The following EP300 variants were observed in gnomAD, a reference collection of about 807,000 sequenced individuals.
The protein encoded by EP300 is histone acetyltransferase p300.
In EP300, 31 loss-of-function variants were observed where a neutral mutation model predicts 264.0. The observed-to-expected ratio is 0.12, with a 90% confidence interval of 0.09 to 0.16. The LOEUF (loss-of-function observed/expected upper bound fraction) is 0.16, where lower values mean the gene tolerates loss of function less well. Ranked by LOEUF, EP300 falls within the 10% of genes least tolerant of loss-of-function variation. The pLI, the probability that EP300 is intolerant of heterozygous loss-of-function variation, is 1.00. For synonymous variants in EP300, 1,340 were observed against 1,045.4 expected, an observed-to-expected ratio of 1.28 and a Z score of -5.44; for missense variants, 2,766 against 3,052.9, an observed-to-expected ratio of 0.91 and a Z score of 2.21.
intron 22 of EP300, 83 bp from the exon 23 acceptor site, chr22:41,166,516 T>A: frequency 1.8e-6 from 2 of 1,089,730 alleles, no homozygotes; most frequent in Non-Finnish European, 2.8e-6. Context: ...TCTGCTAGAT[T>A]GTCTTTTGAA....
At position 41,151,113 on chromosome 22, in the gene EP300, A is replaced by G. The variant is rs571098179; in HGVS notation, c.2818-720A>G. On this transcript the variant is annotated intron_variant, in intron 14 of 30. Transcript: ENST00000263253. The stretch of plus-strand genomic sequence containing the variant: ...TCTACTTTGATACCGATATTAATAT[A>G]TATCGGTATCCAATAGTTCTCAGCC... Among the ~76,000 whole-genome samples, 3 of 152,184 alleles carry G rather than the reference A, an allele frequency of 2.0e-5. No individual in the cohort carries two copies. In the East Asian group the frequency reaches 5.8e-4, roughly 29 times the overall value.
At chr22:41,144,718 C>T (rs575600655) in intron 10 of EP300, among the ~76,000 whole-genome samples, 2 of 152,116 alleles carry the variant, frequency 1.3e-5, no homozygotes, top group South Asian at 2.1e-4. Flanking sequence ...ATCAAGTTTC[C>T]TTAAAATGAC....
At chr22:41,157,681 C>A (rs936665347) in intron 18 of EP300, among the ~76,000 whole-genome samples, 2 of 151,912 alleles carry the variant, frequency 1.3e-5, no homozygotes, top group Non-Finnish European at 2.9e-5. Context: ...CCATGCCTGG[C>A]TGATTTTTTA....
chr22:41,144,923 G>C (rs2059002323), intron 10 of EP300, among the ~76,000 whole-genome samples: 1 of 152,094 alleles, frequency 6.6e-6, no homozygotes, highest in South Asian at 2.1e-4. Context: ...ATGTCTGGCA[G>C]ACTTGACCCC....
intron 14 of EP300, among the ~76,000 whole-genome samples, chr22:41,151,082 G>T (rs1167567117): frequency 6.6e-6 from 1 of 152,026 alleles, no homozygotes; most frequent in African/African-American, 2.4e-5. Context: ...TAAGGGTTTA[G>T]AAGCTTCTAC....
Position 41,179,464 on chromosome 22 carries a change from A to G in EP300, c.*508A>G, listed in dbSNP as rs1277450971. 2 of 162,520 alleles carry G rather than the reference A, an allele frequency of 1.2e-5. No individual in the cohort carries two copies. Among genetic ancestry groups the G allele is most frequent in the Non-Finnish European group, 2.6e-5 (2 of 75,890 alleles). The allele number at this position is 162,520 out of a possible 1,614,324, so 10.1% of individuals were successfully genotyped here. A position where few individuals can be genotyped will look rare whatever the true frequency, so the allele number is the denominator to read the frequency against. On this transcript the variant is annotated 3_prime_UTR_variant, in exon 31 of 31. Transcript: ENST00000263253. ...ACATTCTATATATATATAAATATAT[A>G]TAAATATATATTAAAATACCAGTTT... is the stretch of plus-strand genomic sequence containing the variant.
chr22:41,103,815 C>T (rs907742362), intron 1 of EP300, among the ~76,000 whole-genome samples: 2 of 152,194 alleles, frequency 1.3e-5, no homozygotes, highest in African/African-American at 4.8e-5. Context: ...AAGACTAATT[C>T]TGGTAACACC....
chr22:41,149,705 G>A (rs771977230), intron 13 of EP300, 56 bp from the exon 14 acceptor site: 38 of 1,556,172 alleles, frequency 2.4e-5, no homozygotes, highest in Non-Finnish European at 3.1e-5. Context: ...GCCTATGTAA[G>A]TATTTCCTTA....
Position 41,178,017 on chromosome 22 carries a change from G to A in EP300, c.6306G>A (p.Gly2102=). 6.2e-7 allele frequency: 1 copy of A among 1,614,028 alleles called. No homozygotes were observed. Among genetic ancestry groups the A allele is most frequent in the Non-Finnish European group, 8.5e-7 (1 of 1,179,972 alleles). ...YANSNPQPIP[G]QPGMPQGQPG... ...ACTCTAATCCACAACCCATCCCTGG[G>A]CAGCCTGGCATGCCCCAGGGGCAGC... The change falls in exon 31 of 31, where the codon GGG becomes GGA. Residue 2102 remains glycine (G), a synonymous_variant. Coordinates refer to ENST00000263253, the MANE Select transcript of EP300 (RefSeq NM_001429.4).
At chr22:41,135,203 A>G (rs1465940521) in intron 6 of EP300, among the ~76,000 whole-genome samples, 1 of 152,006 alleles carries the variant, frequency 6.6e-6, no homozygotes, top group South Asian at 2.1e-4. Flanking sequence ...TTGCTTTTTT[A>G]TCTCCCATTC....
At chr22:41,129,862 TTGAA>T (rs1304721301) in intron 4 of EP300, 24 bp from the exon 5 acceptor site, 2 of 1,580,154 alleles carry the variant, frequency 1.3e-6, no homozygotes, top group African/African-American at 2.7e-5. Context: ...TAACCTGCTC[TTGAA>T]AAAATATGTT....
Position 41,131,556 on chromosome 22 carries a change from C to G in EP300, c.1451C>G (p.Pro484Arg). 1 of 1,614,016 alleles carries G rather than the reference C, an allele frequency of 6.2e-7. No individual in the cohort carries two copies. The highest frequency in any genetic ancestry group is 1.3e-5 in the African/African-American group (1 of 74,986). Residue 484 changes from proline (P) to arginine (R), a missense_variant, in exon 6 of 31, where the codon CCC (proline) becomes CGC (arginine). By Grantham distance (103) the Pro-to-Arg change is moderately radical. Coordinates refer to ENST00000263253, the MANE Select transcript of EP300 (RefSeq NM_001429.4). The part of the protein sequence containing the change: ...PYQVNQMPTQ[P>R]QVQAKNQQNQ... ...CAAGTAAATCAGATGCCGACACAACCCCAGGTGCAAGCAAAGAACCAGCAG... is the reference window on the plus strand; with the variant it reads ...CAAGTAAATCAGATGCCGACACAACGCCAGGTGCAAGCAAAGAACCAGCAG...
Position 41,179,877 on chromosome 22 carries a change from CACTCACA to C in EP300, c.*922_*928del, listed in dbSNP as rs1325593238. ...CTTTCTTCCTCCTTACCCTACCCCC[CACTCACA>C]CACACACACACACACACACACACAC... On this transcript the variant is annotated 3_prime_UTR_variant, in exon 31 of 31. Transcript: ENST00000263253. The C allele has an allele frequency of 3.9e-3, 562 of 145,154 alleles. 33 individuals are homozygous for C. Among genetic ancestry groups the C allele is most frequent in the South Asian group, 0.022 (62 of 2,798 alleles). 9.0% of individuals were successfully genotyped at this position (145,154 alleles called of 1,614,324 possible). A position where few individuals can be genotyped will look rare whatever the true frequency, so the allele number is the denominator to read the frequency against.
At chr22:41,139,317 A>G (rs1233979333) in intron 8 of EP300, among the ~76,000 whole-genome samples, 1 of 152,234 alleles carries the variant, frequency 6.6e-6, no homozygotes. Context: ...TCACAAGTTT[A>G]ATGAAATTAT....
intron 19 of EP300, chr22:41,160,429 A>AC: frequency 3.8e-6 from 2 of 520,470 alleles, no homozygotes; most frequent in Non-Finnish European, 6.9e-6. Context: ...CAAAAAAAAA[A>AC]ACAAAAAAAA....
chr22:41,094,416 T>C (rs2058690869), intron 1 of EP300, among the ~76,000 whole-genome samples: 1 of 152,228 alleles, frequency 6.6e-6, no homozygotes, highest in Non-Finnish European at 1.5e-5. Context: ...TCGTTGCTTT[T>C]ATAAGAAAGA....
intron 23 of EP300, among the ~76,000 whole-genome samples, chr22:41,167,399 CTAA>C: frequency 6.6e-6 from 1 of 151,978 alleles, no homozygotes; most frequent in South Asian, 2.1e-4. Context: ...GTAATTAACA[CTAA>C]TAATCTAAAT....
chr22:41,170,688 G>A (rs2059164766), intron 27 of EP300, 117 bp downstream of exon 27: 6 of 1,076,170 alleles, frequency 5.6e-6, no homozygotes, highest in Non-Finnish European at 7.8e-6. Flanking sequence ...TTGAGACGGA[G>A]TCTCGCTCTG....
chr22:41,146,713 AT>A lies in EP300; in HGVS notation c.2054-25del, dbSNP rs759757024. ...TTGGTTAAGGGAAGATGGTGCAAAG[AT>A]ACTTATTTCTCTTTTTTACTCTAGA... On this transcript the variant is annotated intron_variant, in intron 10 of 30. Transcript: ENST00000263253. 3 of 1,608,648 alleles carry A rather than the reference AT, an allele frequency of 1.9e-6. No homozygotes were observed. In the South Asian group the frequency reaches 3.3e-5, roughly 18 times the overall value.
Sources: allele counts gnomAD v4.1 joint callset (sites outside exome capture counted in the v4.1 genomes callset), GRCh38; gene constraint gnomAD v4.1.1; transcripts MANE v1.5; gene names NCBI Gene and HGNC (gene_info 2026-07-23, HGNC 2026-07-21).